RALYL: variants seen among roughly 807,000 people sequenced by gnomAD.
The protein encoded by RALYL is RALY RNA binding protein like.
A neutral mutation model predicts 35.1 loss-of-function variants in RALYL; 29 were observed. The ratio of observed to expected loss-of-function variants is 0.83; its 90% CI spans 0.61 to 1.13. The LOEUF (loss-of-function observed/expected upper bound fraction) is 1.13, where lower values mean the gene tolerates loss of function less well. RALYL is among the 50% of genes most tolerant of loss of function. The pLI is 0.00. For missense variants in RALYL, 359 were observed against 360.4 expected, an observed-to-expected ratio of 1.00 and a Z score of 0.03; for synonymous variants, 120 against 127.6, an observed-to-expected ratio of 0.94 and a Z score of 0.40.
intron 1 of RALYL, among the ~76,000 whole-genome samples, chr8:84,490,564 CATTT>C (rs1371536233): frequency 3.3e-5 from 5 of 151,708 alleles, no homozygotes; most frequent in Non-Finnish European, 5.9e-5. Flanking sequence ...ACTGTTAATT[CATTT>C]GTCTGTGGAA....
At chr8:84,899,102 A>G (rs571444761) in intron 8 of RALYL, among the ~76,000 whole-genome samples, 2 of 152,230 alleles carry the variant, frequency 1.3e-5, no homozygotes, top group South Asian at 2.1e-4. Flanking sequence ...ATGCATTTAC[A>G]TATGCTGTTC....
intron 1 of RALYL, among the ~76,000 whole-genome samples, chr8:84,436,419 C>G (rs920527260): frequency 6.6e-6 from 1 of 151,970 alleles, no homozygotes; most frequent in Non-Finnish European, 1.5e-5. Context: ...CAGCCTATCC[C>G]CTTTTTTATG....
intron 1 of RALYL, among the ~76,000 whole-genome samples, chr8:84,233,045 A>C (rs1201021147): frequency 1.3e-5 from 2 of 152,094 alleles, no homozygotes; most frequent in East Asian, 3.9e-4. Flanking sequence ...TGGTGGTGCA[A>C]AATCATAGTT....
intron 2 of RALYL, among the ~76,000 whole-genome samples, chr8:84,711,891 A>G (rs1842243651): frequency 6.6e-6 from 1 of 152,232 alleles, no homozygotes; most frequent in Admixed American, 6.5e-5. Flanking sequence ...GTAACTGTGA[A>G]GACAGAAGAA....
At chr8:84,323,525 C>CA (rs1207497702) in intron 1 of RALYL, among the ~76,000 whole-genome samples, 1 of 151,912 alleles carries the variant, frequency 6.6e-6, no homozygotes, top group Non-Finnish European at 1.5e-5. Flanking sequence ...CCTTAACAAA[C>CA]AAAAAATCAT....
At position 84,503,832 on chromosome 8, in the gene RALYL, C is replaced by T. The variant is rs918560654; in HGVS notation, c.-23-25467C>T. Among the ~76,000 whole-genome samples, 4 of 148,926 alleles carry T rather than the reference C, an allele frequency of 2.7e-5. No homozygotes were observed. The Admixed American group carries it at 2.7e-4, about 10-fold the overall frequency. Reference sequence around the variant, plus strand: ...CAGTGAGCCAAGATTGCACTGCACTCAAGCCTAGGCAACAGAGCAAGACTC... The same window carrying T: ...CAGTGAGCCAAGATTGCACTGCACTTAAGCCTAGGCAACAGAGCAAGACTC... On this transcript the variant is annotated intron_variant, in intron 1 of 8. Transcript: ENST00000521268.
intron 2 of RALYL, among the ~76,000 whole-genome samples, chr8:84,576,299 A>T (rs1221212194): frequency 1.3e-5 from 2 of 152,232 alleles, no homozygotes; most frequent in East Asian, 3.8e-4. Context: ...GCATTACTGT[A>T]AAGAAATTGT....
At chr8:84,304,933 T>C (rs1841506515) in intron 1 of RALYL, among the ~76,000 whole-genome samples, 1 of 152,206 alleles carries the variant, frequency 6.6e-6, no homozygotes, top group Admixed American at 6.5e-5. Context: ...AATTTTTACA[T>C]ACTAGTGTGG....
intron 2 of RALYL, among the ~76,000 whole-genome samples, chr8:84,619,726 T>C (rs1820828545): frequency 6.6e-6 from 1 of 151,752 alleles, no homozygotes; most frequent in Non-Finnish European, 1.5e-5. Flanking sequence ...TTGCAGCAGC[T>C]GGTGCCGGTT....
intron 1 of RALYL, among the ~76,000 whole-genome samples, chr8:84,439,345 A>G (rs1279774117): frequency 6.6e-6 from 1 of 151,278 alleles, no homozygotes; most frequent in African/African-American, 2.4e-5. Flanking sequence ...TTTTTTTCTG[A>G]TGTGTTCTCC....
chr8:84,736,191 GAATT>G (rs747467487), intron 2 of RALYL, among the ~76,000 whole-genome samples: 2 of 152,064 alleles, frequency 1.3e-5, no homozygotes, highest in Admixed American at 6.6e-5. Flanking sequence ...TATACTGAAA[GAATT>G]AATGCTGTTT....
chr8:84,743,118 G>T (rs1807766176), intron 2 of RALYL, among the ~76,000 whole-genome samples: 1 of 152,108 alleles, frequency 6.6e-6, no homozygotes, highest in East Asian at 1.9e-4. Flanking sequence ...CAGCGCTTCT[G>T]ATAGCTGTAA....
At position 84,812,615 on chromosome 8, in the gene RALYL, G is replaced by A. The variant is rs139455160; in HGVS notation, c.365+7813G>A. Among the ~76,000 whole-genome samples, 305 of 152,240 alleles carry A rather than the reference G, an allele frequency of 2.0e-3. 3 individuals carry two copies. The highest frequency in any genetic ancestry group is 7.2e-3 in the African/African-American group (299 of 41,536). Reference sequence around the variant, plus strand: ...CGATGGGTCTTGCTGTGGCTGCTGTGGGGGACGGAGATGAGGTTCCCAGGT... The same window carrying A: ...CGATGGGTCTTGCTGTGGCTGCTGTAGGGGACGGAGATGAGGTTCCCAGGT... On this transcript the variant is annotated intron_variant, in intron 4 of 8. Transcript: ENST00000521268.
chr8:84,906,660 C>A (rs1352220196), intron 8 of RALYL, among the ~76,000 whole-genome samples: 1 of 151,664 alleles, frequency 6.6e-6, no homozygotes, highest in Non-Finnish European at 1.5e-5. Context: ...TTTTACAATT[C>A]TTGCCCCATA....
chr8:84,520,999 G>A (rs1473754069), intron 1 of RALYL, among the ~76,000 whole-genome samples: 2 of 152,148 alleles, frequency 1.3e-5, no homozygotes, highest in African/African-American at 2.4e-5. Flanking sequence ...GCTTCAAAAC[G>A]AAAAGTGGGT....
chr8:84,425,783 CTGTGTGTGTGTG>C (rs1554662152), intron 1 of RALYL, among the ~76,000 whole-genome samples: 151 of 144,598 alleles, frequency 1.0e-3, no homozygotes, highest in African/African-American at 2.7e-3. Flanking sequence ...AGTTTTTCTT[CTGTGTGTGTGTG>C]TGTGTGTGTG....
chr8:84,914,649 G>A (rs778658481), intron 8 of RALYL, among the ~76,000 whole-genome samples: 26 of 151,814 alleles, frequency 1.7e-4, no homozygotes, highest in Non-Finnish European at 2.9e-4. Context: ...AAAGTTAATT[G>A]TTCTTTTTAC....
intron 1 of RALYL, among the ~76,000 whole-genome samples, chr8:84,296,740 T>A (rs1231906362): frequency 1.3e-5 from 2 of 151,330 alleles, no homozygotes; most frequent in African/African-American, 4.9e-5. Flanking sequence ...GAGTAATTAC[T>A]TGTTTCTTTT....
intron 1 of RALYL, among the ~76,000 whole-genome samples, chr8:84,487,446 ACCTTTGG>A (rs1406427210): frequency 6.6e-6 from 1 of 152,016 alleles, no homozygotes. Context: ...CTTTAGCTGA[ACCTTTGG>A]CCTATAATAA....
Sources: gnomAD v4.1 joint callset for allele counts (sites outside exome capture counted in the v4.1 genomes callset) on GRCh38, gnomAD v4.1.1 for gene constraint, MANE v1.5 for transcripts, NCBI Gene and HGNC (gene_info 2026-07-23, HGNC 2026-07-21) for gene names.